PTPRD: variants seen among roughly 807,000 people sequenced by gnomAD.
PTPRD encodes protein tyrosine phosphatase receptor type D, also known as receptor-type tyrosine-protein phosphatase delta.
A neutral mutation model predicts 214.5 loss-of-function variants in PTPRD; 34 were observed. That is an observed-to-expected ratio of 0.16 (90% CI 0.12 to 0.21). The LOEUF (loss-of-function observed/expected upper bound fraction) is 0.21. Among genes scored for constraint, PTPRD ranks in the 10% least tolerant of loss-of-function variants. The probability of loss-of-function intolerance (pLI) is 1.00; values close to 1 mark genes in which losing one functional copy is unlikely to be tolerated. For missense variants in PTPRD, 2,545 were observed against 2,398.7 expected (o/e 1.06, Z -1.27); for synonymous variants, 1,128 against 845.7 (o/e 1.33, Z -5.79).
chr9:9,281,159 GA>G (rs1359688972), intron 9 of PTPRD, among the ~76,000 whole-genome samples: 1 of 151,102 alleles, frequency 6.6e-6, no homozygotes, highest in Non-Finnish European at 1.5e-5. Context: ...ATAATGAGTA[GA>G]AAATAACATA....
intron 10 of PTPRD, among the ~76,000 whole-genome samples, chr9:9,150,516 G>T (rs1424591283): frequency 6.7e-6 from 1 of 149,132 alleles, no homozygotes; most frequent in African/African-American, 2.5e-5. Context: ...TTGAGATGGA[G>T]TCTTGCTATG....
chr9:8,680,445 G>A (rs932348387), intron 12 of PTPRD, among the ~76,000 whole-genome samples: 1 of 152,118 alleles, frequency 6.6e-6, no homozygotes, highest in Non-Finnish European at 1.5e-5. Context: ...ATCTCTTTCT[G>A]ACATCATAAG....
intron 5 of PTPRD, among the ~76,000 whole-genome samples, chr9:9,833,217 C>T (rs1401145790): frequency 3.3e-5 from 5 of 152,062 alleles, no homozygotes; most frequent in Admixed American, 1.3e-4. Flanking sequence ...TTTTCCAAAG[C>T]GTCGACTGGC....
rs190994955 is a variant in PTPRD at position 8,572,338 on chromosome 9, T to C, written c.353-43559A>G. On this transcript the variant is annotated intron_variant, in intron 14 of 45. Coordinates refer to ENST00000381196, the MANE Select transcript of PTPRD (RefSeq NM_002839.4). ...TCCAAATATCTTCCATGATATTCTC[T>C]TAACATAAAAAGTCCCAGGTTTATG... Among the ~76,000 whole-genome samples the C allele has an allele frequency of 3.4e-3, 520 of 152,176 alleles. 1 individual carries two copies. The highest frequency in any genetic ancestry group is 5.9e-3 in the Non-Finnish European group (399 of 67,970).
chr9:9,891,613 A>G (rs935347116), intron 5 of PTPRD, among the ~76,000 whole-genome samples: 2 of 152,104 alleles, frequency 1.3e-5, no homozygotes, highest in Admixed American at 6.6e-5. Flanking sequence ...CACTTCATCA[A>G]TTAGAGTTTG....
intron 39 of PTPRD, among the ~76,000 whole-genome samples, chr9:8,374,837 A>C (rs1225422528): frequency 1.3e-5 from 2 of 152,110 alleles, no homozygotes; most frequent in East Asian, 3.9e-4. Context: ...AACAATGAGC[A>C]TTGTAGCATG....
chr9:9,190,964 T>C (rs1169197941), intron 9 of PTPRD, among the ~76,000 whole-genome samples: 1 of 152,076 alleles, frequency 6.6e-6, no homozygotes, highest in Non-Finnish European at 1.5e-5. Flanking sequence ...CTGTCACATA[T>C]AGCTTCAAAA....
intron 10 of PTPRD, among the ~76,000 whole-genome samples, chr9:9,136,019 A>G (rs945779993): frequency 6.6e-6 from 1 of 152,200 alleles, no homozygotes; most frequent in African/African-American, 2.4e-5. Context: ...ACATACACAC[A>G]TGCACACACA....
At chr9:10,048,675 G>A (rs367897867) in intron 3 of PTPRD, among the ~76,000 whole-genome samples, 20 of 152,116 alleles carry the variant, frequency 1.3e-4, no homozygotes, top group East Asian at 9.7e-4. Context: ...TGCAAGGCAA[G>A]GAAAGTAGTT....
chr9:10,518,479 A>G (rs1479947086), intron 2 of PTPRD, among the ~76,000 whole-genome samples: 1 of 152,232 alleles, frequency 6.6e-6, no homozygotes, highest in East Asian at 1.9e-4. Context: ...TAAGGAATTA[A>G]AAGTCAAATG....
intron 9 of PTPRD, among the ~76,000 whole-genome samples, chr9:9,394,530 A>G (rs2067022454): frequency 6.6e-6 from 1 of 152,252 alleles, no homozygotes; most frequent in East Asian, 1.9e-4. Context: ...TAGCAATTTA[A>G]TATTTTTGTG....
intron 39 of PTPRD, among the ~76,000 whole-genome samples, chr9:8,373,407 C>T (rs375098517): frequency 2.6e-4 from 39 of 152,120 alleles, no homozygotes; most frequent in African/African-American, 6.3e-4. Flanking sequence ...CTCATTGTTT[C>T]GAAGTTGCTA....
chr9:9,954,907 C>T (rs905804085), intron 4 of PTPRD, among the ~76,000 whole-genome samples: 7 of 152,012 alleles, frequency 4.6e-5, no homozygotes, highest in African/African-American at 9.7e-5. Flanking sequence ...ACGAGATTCA[C>T]GAACAAACAA....
intron 2 of PTPRD, among the ~76,000 whole-genome samples, chr9:10,531,174 T>C (rs1196309269): frequency 6.6e-6 from 1 of 152,062 alleles, no homozygotes; most frequent in Non-Finnish European, 1.5e-5. Flanking sequence ...GGTCTTAAAC[T>C]CCTGACCTCA....
At chr9:9,689,570 C>T (rs1595293896) in intron 7 of PTPRD, among the ~76,000 whole-genome samples, 2 of 151,722 alleles carry the variant, frequency 1.3e-5, no homozygotes, top group East Asian at 1.9e-4. Flanking sequence ...ACTGATTTAT[C>T]GATACTAGGA....
intron 8 of PTPRD, among the ~76,000 whole-genome samples, chr9:9,509,446 T>C (rs1434555034): frequency 6.6e-6 from 1 of 151,418 alleles, no homozygotes; most frequent in Admixed American, 6.6e-5. Flanking sequence ...TACTAGATCA[T>C]CACAACTGGA....
chr9:9,371,189 T>C (rs1217184683), intron 9 of PTPRD, among the ~76,000 whole-genome samples: 1 of 152,200 alleles, frequency 6.6e-6, no homozygotes, highest in Non-Finnish European at 1.5e-5. Context: ...GAAGGAATGG[T>C]ACCAGCTCCT....
intron 9 of PTPRD, among the ~76,000 whole-genome samples, chr9:9,349,153 G>A (rs1018439273): frequency 4.6e-5 from 7 of 152,050 alleles, no homozygotes; most frequent in East Asian, 1.9e-4. Context: ...TTCACTCGAC[G>A]TAAATCTGAT....
intron 5 of PTPRD, among the ~76,000 whole-genome samples, chr9:9,837,512 C>T (rs773689707): frequency 2.3e-4 from 35 of 152,050 alleles, no homozygotes; most frequent in Non-Finnish European, 4.3e-4. Context: ...TCAAAAGGGC[C>T]ATATAGCTGA....
Sources: allele counts gnomAD v4.1 joint callset (sites outside exome capture counted in the v4.1 genomes callset), GRCh38; gene constraint gnomAD v4.1.1; transcripts MANE v1.5; gene names NCBI Gene and HGNC (gene_info 2026-07-23, HGNC 2026-07-21).